The following LINC00632 variants were observed in gnomAD, a reference collection of about 807,000 sequenced individuals.
LINC00632 encodes ALDOA related specific transcript.
chrX:140,728,213 C>A, intron 2 of LINC00632, among the ~76,000 whole-genome samples: 1 of 104,652 alleles, frequency 9.6e-6, no homozygotes, highest in African/African-American at 3.6e-5. Flanking sequence ...GCACTCCAGC[C>A]TGGGCAACAA....
chrX:140,723,934 T>C lies in LINC00632; in HGVS notation n.105-9944T>C, dbSNP rs760472812. Among the ~76,000 whole-genome samples, 346 of 77,111 alleles carry C rather than the reference T, an allele frequency of 4.5e-3. 1 individual carries two copies. The highest frequency in any genetic ancestry group is 0.015 in the African/African-American group (309 of 20,407). The allele number at this position is 77,111 out of a possible 115,157, so 67.0% of individuals were successfully genotyped here. ...TGCATACACATACACACACATTCCATACACACACATTCCATACACATGCAC... is the reference window on the plus strand; with the variant it reads ...TGCATACACATACACACACATTCCACACACACACATTCCATACACATGCAC... On this transcript the variant is annotated intron_variant and non_coding_transcript_variant, in intron 2 of 4. Transcript: ENST00000648200.
At chrX:140,736,845 G>T (rs1931152868) in intron 3 of LINC00632, among the ~76,000 whole-genome samples, 1 of 107,828 alleles carries the variant, frequency 9.3e-6, no homozygotes, top group Non-Finnish European at 1.9e-5. Context: ...AAGTATAAAG[G>T]TTATTTATAA....
exon 5 of LINC00632, among the ~76,000 whole-genome samples, chrX:140,787,376 A>C (rs1169825684): frequency 9.0e-6 from 1 of 111,633 alleles, no homozygotes; most frequent in African/African-American, 3.2e-5. Context: ...GCTATGTAAT[A>C]ATTTTAATAT....
chrX:140,785,852 C>T (rs1020304819), exon 5 of LINC00632, among the ~76,000 whole-genome samples: 1 of 111,982 alleles, frequency 8.9e-6, no homozygotes, highest in African/African-American at 3.2e-5. Context: ...TTGCACCTTA[C>T]TATGTGGAGC....
At chrX:140,724,504 A>ACC (rs1930875101) in intron 2 of LINC00632, among the ~76,000 whole-genome samples, 1 of 106,010 alleles carries the variant, frequency 9.4e-6, no homozygotes, top group African/African-American at 3.4e-5. Flanking sequence ...CCATACACAC[A>ACC]CACATTCCAT....
chrX:140,718,412 C>CT (rs569513861), intron 2 of LINC00632, among the ~76,000 whole-genome samples: 3,804 of 95,440 alleles, frequency 0.04, 146 homozygotes, highest in African/African-American at 0.089. Context: ...TGCACCTATT[C>CT]TTTTTTTTTT....
chrX:140,757,372 T>C (rs1366379872), intron 3 of LINC00632, among the ~76,000 whole-genome samples: 1 of 111,198 alleles, frequency 9.0e-6, no homozygotes, highest in Non-Finnish European at 1.9e-5. Flanking sequence ...ATTGAATGAG[T>C]CTCTGAAATT....
At chrX:140,752,173 A>T (rs1252764809) in intron 3 of LINC00632, among the ~76,000 whole-genome samples, 2 of 111,701 alleles carry the variant, frequency 1.8e-5, no homozygotes. Flanking sequence ...TCTCAAATGC[A>T]TCCCTGTCAT....
intron 3 of LINC00632, among the ~76,000 whole-genome samples, chrX:140,734,521 A>G (rs1409940134): frequency 9.1e-6 from 1 of 110,487 alleles, no homozygotes; most frequent in Admixed American, 9.8e-5. Flanking sequence ...AACTTCCCTC[A>G]CATAATGTAT....
At chrX:140,730,738 C>A (rs970434952) in intron 2 of LINC00632, among the ~76,000 whole-genome samples, 1 of 111,539 alleles carries the variant, frequency 9.0e-6, no homozygotes, top group East Asian at 2.8e-4. Context: ...CTAGAAAAAG[C>A]AGCATGATAG....
chrX:140,734,686 C>T (rs1179303844), intron 3 of LINC00632, among the ~76,000 whole-genome samples: 2 of 108,693 alleles, frequency 1.8e-5, no homozygotes, highest in African/African-American at 3.3e-5. Flanking sequence ...AGTACACAAT[C>T]AGAAGAACTT....
exon 5 of LINC00632, among the ~76,000 whole-genome samples, chrX:140,788,917 G>A (rs201195501): frequency 0.083 from 270 of 3,255 alleles, 6 homozygotes; most frequent in East Asian, 0.63. Context: ...ATATATATGT[G>A]TGTGTGTGTG....
exon 5 of LINC00632, among the ~76,000 whole-genome samples, chrX:140,777,193 G>A (rs1414120442): frequency 4.5e-5 from 5 of 111,195 alleles, no homozygotes; most frequent in Admixed American, 9.5e-5. Flanking sequence ...TAATGCATAC[G>A]GGGCTTAAAA....
exon 5 of LINC00632, among the ~76,000 whole-genome samples, chrX:140,789,802 C>CT (rs1340162024): frequency 9.0e-6 from 1 of 110,694 alleles, no homozygotes; most frequent in Non-Finnish European, 1.9e-5. Context: ...TGTCATTTGT[C>CT]TTTTTTTATT....
At chrX:140,781,653 T>C (rs1243416786) in exon 5 of LINC00632, among the ~76,000 whole-genome samples, 1 of 111,882 alleles carries the variant, frequency 8.9e-6, no homozygotes, top group Non-Finnish European at 1.9e-5. Flanking sequence ...TGTTCTCTGC[T>C]TGTTCTCATA....
At chrX:140,783,575 A>G (rs1264710310) in exon 5 of LINC00632, 2 of 1,191,540 alleles carry the variant, frequency 1.7e-6, no homozygotes, top group Admixed American at 4.8e-5. Flanking sequence ...CTTCCAGAAA[A>G]ATCTAGATCT....
chrX:140,788,698 GATATGTTAACA>G (rs1329557505), exon 5 of LINC00632, among the ~76,000 whole-genome samples: 2 of 105,652 alleles, frequency 1.9e-5, no homozygotes, highest in Non-Finnish European at 4.0e-5. Context: ...GAAAAGTGTT[GATATGTTAACA>G]ATAGTTGCTT....
chrX:140,713,952 G>A (rs879084413), intron 2 of LINC00632: 3 of 256,403 alleles, frequency 1.2e-5, no homozygotes, highest in Non-Finnish European at 2.2e-5. Context: ...CATAGAACAC[G>A]GCTTCCCCGA....
At chrX:140,762,481 C>G (rs1931617584) in intron 3 of LINC00632, among the ~76,000 whole-genome samples, 1 of 112,130 alleles carries the variant, frequency 8.9e-6, no homozygotes, top group Admixed American at 9.5e-5. Flanking sequence ...AAAATGATAG[C>G]TAAACAAATA....
Sources: gnomAD v4.1 joint callset for allele counts (sites outside exome capture counted in the v4.1 genomes callset) on GRCh38, gnomAD v4.1.1 for gene constraint, MANE v1.5 for transcripts, NCBI Gene and HGNC (gene_info 2026-07-23, HGNC 2026-07-21) for gene names.